The following PLXNA2 variants were observed in gnomAD, a reference collection of about 807,000 sequenced individuals.
PLXNA2 encodes the protein plexin A2, also known as plexin-A2.
Under a neutral mutation model 193.5 loss-of-function variants are expected in PLXNA2, and 91 were observed. The ratio of observed to expected loss-of-function variants is 0.47; its 90% confidence interval spans 0.40 to 0.56. The LOEUF (loss-of-function observed/expected upper bound fraction) is 0.56. PLXNA2 is among the 20% of genes least tolerant of loss of function. The pLI, the probability that PLXNA2 is intolerant of heterozygous loss-of-function variation, is 0.00. For synonymous variants in PLXNA2, 997 were observed against 1,027.3 expected, an observed-to-expected ratio of 0.97 and a Z score of 0.56; for missense variants, 1,995 against 2,503.2, an observed-to-expected ratio of 0.80 and a Z score of 4.33.
intron 3 of PLXNA2, among the ~76,000 whole-genome samples, chr1:208,149,429 G>A (rs902894128): frequency 2.0e-5 from 3 of 151,982 alleles, no homozygotes; most frequent in African/African-American, 7.3e-5. Context: ...TATGTGTTGT[G>A]AGTGTGTATG....
intron 17 of PLXNA2, among the ~76,000 whole-genome samples, chr1:208,048,094 TG>T (rs768304944): frequency 6.6e-5 from 10 of 152,312 alleles, no homozygotes; most frequent in Middle Eastern, 3.4e-3. Context: ...TCCTCTCTGC[TG>T]GTCCCAGTCT....
At position 208,038,865 on chromosome 1, in the gene PLXNA2, C is replaced by T. The variant is rs778539283; in HGVS notation, c.4620G>A (p.Val1540=). The T allele has an allele frequency of 1.2e-6, 2 of 1,614,144 alleles. No individual in the cohort carries two copies. The highest frequency in any genetic ancestry group is 1.1e-5 in the South Asian group (1 of 91,074). The part of the protein sequence containing the change: ...EKILDAVYKN[V]PYSQRPRAVD... ...CTGCCCTCGGCCGCTGGGAATAGGGCACATTCTTATACACGGCATCAAGAA... is the reference window on the plus strand; with the variant it reads ...CTGCCCTCGGCCGCTGGGAATAGGGTACATTCTTATACACGGCATCAAGAA... Residue 1540 remains valine (V), a synonymous_variant, in exon 25 of 32, where the codon GTG becomes GTA. Transcript: ENST00000367033. The surrounding 1 kb of genome is among the most constrained non-coding windows in gnomAD (Gnocchi z 4.1).
intron 26 of PLXNA2, among the ~76,000 whole-genome samples, chr1:208,036,892 G>A (rs570795078): frequency 6.6e-6 from 1 of 152,318 alleles, no homozygotes; most frequent in South Asian, 2.1e-4. Context: ...ATCAGAGACA[G>A]AAGCAGAAAG....
intron 29 of PLXNA2, chr1:208,030,398 C>G (rs1328902525): frequency 1.0e-6 from 1 of 985,564 alleles, no homozygotes; most frequent in Non-Finnish European, 1.2e-6. Flanking sequence ...CTGAAGTGCC[C>G]TCTCCCAGCG....
chr1:208,201,328 C>T (rs749571276), intron 3 of PLXNA2, among the ~76,000 whole-genome samples: 1 of 152,236 alleles, frequency 6.6e-6, no homozygotes, highest in Non-Finnish European at 1.5e-5. Context: ...GCAACTGACA[C>T]TTCCTTCAGC....
At chr1:208,072,810 T>C (rs1666016664) in intron 12 of PLXNA2, among the ~76,000 whole-genome samples, 1 of 152,198 alleles carries the variant, frequency 6.6e-6, no homozygotes, top group African/African-American at 2.4e-5. Flanking sequence ...TAGGTGAAGA[T>C]TACTTTAAGG....
At chr1:208,188,632 C>T (rs545350562) in intron 3 of PLXNA2, among the ~76,000 whole-genome samples, 53 of 151,348 alleles carry the variant, frequency 3.5e-4, no homozygotes, top group Non-Finnish European at 4.3e-4. Flanking sequence ...TTGCTTGAAC[C>T]TGGGAGGCGG....
intron 31 of PLXNA2, among the ~76,000 whole-genome samples, chr1:208,027,578 GCTACTA>G (rs1054385637): frequency 6.6e-6 from 1 of 152,058 alleles, no homozygotes; most frequent in Non-Finnish European, 1.5e-5. Context: ...GTTAATTATT[GCTACTA>G]CTACTACTAC....
chr1:208,044,734 C>T lies in PLXNA2; in HGVS notation c.3648G>A (p.Val1216=), dbSNP rs373005439. 2.6e-5 allele frequency: 42 copies of T among 1,612,972 alleles called. No individual in the cohort carries two copies. The Admixed American group carries it at 4.2e-4, about 16-fold the overall frequency. The change falls in exon 20 of 32, where the codon GTG becomes GTA. Residue 1216 remains valine, a synonymous_variant. Transcript: ENST00000367033. The surrounding 1 kb of genome is among the most constrained non-coding windows in gnomAD (Gnocchi z 4.9). ...AGCCAGGCGAGAACACCATCCCGCC[C>T]ACGTGAACCTGTGCATTGTACACAT... The part of the protein sequence containing the change: ...LTGQHKVMVH[V]GGMVFSPGSV...
chr1:208,211,634 A>C (rs1670954409), intron 2 of PLXNA2, among the ~76,000 whole-genome samples: 1 of 151,480 alleles, frequency 6.6e-6, no homozygotes, highest in African/African-American at 2.4e-5. Flanking sequence ...CGGAGGTTGC[A>C]GTGAGCCGAG....
chr1:208,161,541 C>T (rs962161450), intron 3 of PLXNA2, among the ~76,000 whole-genome samples: 3 of 152,142 alleles, frequency 2.0e-5, no homozygotes, highest in Non-Finnish European at 4.4e-5. Flanking sequence ...ATTACTAATA[C>T]GCAAATGGTG....
intron 3 of PLXNA2, among the ~76,000 whole-genome samples, chr1:208,198,108 G>A (rs1670417636): frequency 6.6e-6 from 1 of 152,158 alleles, no homozygotes; most frequent in Non-Finnish European, 1.5e-5. Context: ...GCAATGATTA[G>A]TGTCAGAATC....
Position 208,090,401 on chromosome 1 carries a change from C to T in PLXNA2, c.2097+2385G>A, listed in dbSNP as rs573638077. ...AGGTCCCTTTTGGTATTAATTTAAT[C>T]CCGAGTTGCAGGGAGGCAACAGCTT... On this transcript the variant is annotated intron_variant, in intron 9 of 31. Coordinates refer to ENST00000367033, the MANE Select transcript of PLXNA2 (RefSeq NM_025179.4). 5.3e-5 allele frequency among the ~76,000 whole-genome samples: 8 copies of T among 152,216 alleles called. 1 individual carries two copies. In the Middle Eastern group the frequency reaches 0.01, roughly 194 times the overall value.
chr1:208,097,997 G>A (rs955304371), intron 6 of PLXNA2, among the ~76,000 whole-genome samples: 2 of 152,096 alleles, frequency 1.3e-5, no homozygotes, highest in Non-Finnish European at 2.9e-5. Context: ...GAGCCACCGC[G>A]CCCAGCCTGT....
At chr1:208,117,513 C>T (rs964106258) in intron 4 of PLXNA2, among the ~76,000 whole-genome samples, 4 of 152,206 alleles carry the variant, frequency 2.6e-5, no homozygotes, top group African/African-American at 9.7e-5. Flanking sequence ...TGCTGTGACC[C>T]CACTGCGGAC....
At chr1:208,193,782 C>T (rs1670262851) in intron 3 of PLXNA2, among the ~76,000 whole-genome samples, 1 of 152,068 alleles carries the variant, frequency 6.6e-6, no homozygotes, top group Admixed American at 6.5e-5. Context: ...AATCCCAGCA[C>T]TTTAGGAGGC....
chr1:208,078,944 C>A (rs1666240930), intron 12 of PLXNA2, among the ~76,000 whole-genome samples: 1 of 152,014 alleles, frequency 6.6e-6, no homozygotes, highest in African/African-American at 2.4e-5. Flanking sequence ...ACCATGGAGC[C>A]AATTTCTCCT....
chr1:208,179,702 A>C (rs1052721352), intron 3 of PLXNA2, among the ~76,000 whole-genome samples: 12 of 152,180 alleles, frequency 7.9e-5, no homozygotes, highest in African/African-American at 2.9e-4. Flanking sequence ...AAACTGTGTG[A>C]GTGTTAGGGT....
intron 3 of PLXNA2, among the ~76,000 whole-genome samples, chr1:208,173,457 GTTA>G (rs923415100): frequency 6.6e-6 from 1 of 152,170 alleles, no homozygotes; most frequent in Non-Finnish European, 1.5e-5. Flanking sequence ...TGCATCCCAT[GTTA>G]TTATGTTCAT....
Sources: gnomAD v4.1 joint callset for allele counts (sites outside exome capture counted in the v4.1 genomes callset) on GRCh38, gnomAD v4.1.1 for gene constraint, Gnocchi (gnomAD v3.1) non-coding constraint, MANE v1.5 for transcripts, NCBI Gene and HGNC (gene_info 2026-07-23, HGNC 2026-07-21) for gene names.